Variants in NRXN2 observed in about 807,000 individuals in gnomAD.
NRXN2 encodes neurexin 2, also known as neurexin-2-beta.
NRXN2 carries 29 observed loss-of-function variants against 128.8 expected under a neutral mutation model. The observed-to-expected ratio is 0.23, with a 90% CI of 0.17 to 0.31. NRXN2 has a LOEUF of 0.31. NRXN2 is among the 10% of genes least tolerant of loss of function. The pLI, the probability that NRXN2 is intolerant of heterozygous loss-of-function variation, is 1.00. For synonymous variants in NRXN2, 1,098 were observed against 1,075.2 expected, an observed-to-expected ratio of 1.02 and a Z score of -0.41; for missense variants, 1,881 against 2,452.6, an observed-to-expected ratio of 0.77 and a Z score of 4.92.
At chr11:64,653,491 T>G (rs1180677322) in intron 12 of NRXN2, among the ~76,000 whole-genome samples, 1 of 152,060 alleles carries the variant, frequency 6.6e-6, no homozygotes, top group African/African-American at 2.4e-5. Flanking sequence ...CCAGCTCTCC[T>G]TGGCTCTGCT....
intron 19 of NRXN2, among the ~76,000 whole-genome samples, chr11:64,627,410 C>T (rs551052072): frequency 2.3e-3 from 344 of 151,996 alleles, no homozygotes; most frequent in Non-Finnish European, 4.2e-3. Context: ...CCTCTGCACC[C>T]TCCTCTGCCC....
At chr11:64,672,307 T>C (rs897492067) in intron 7 of NRXN2, among the ~76,000 whole-genome samples, 1 of 152,218 alleles carries the variant, frequency 6.6e-6, no homozygotes, top group Non-Finnish European at 1.5e-5. Flanking sequence ...AACTAAGTCC[T>C]GGCCATAAAT....
chr11:64,632,355 C>T lies in NRXN2; in HGVS notation c.3586-1782G>A, dbSNP rs2044038175. Among the ~76,000 whole-genome samples, 2 of 152,212 alleles carry T rather than the reference C, an allele frequency of 1.3e-5. No individual in the cohort carries two copies. Among genetic ancestry groups the T allele is most frequent in the African/African-American group, 4.8e-5 (2 of 41,442 alleles). On this transcript the variant is annotated intron_variant, in intron 18 of 22. Transcript: ENST00000265459. The surrounding 1 kb of genome is among the most constrained non-coding windows in gnomAD (Gnocchi z 4.2). The stretch of plus-strand genomic sequence containing the variant: ...ATGCAGTAAAGCAGGGAAACTGAGG[C>T]TGGGCTTGCCTAACAAAGAGTATTA...
At chr11:64,706,256 T>C (rs1180871767) in intron 2 of NRXN2, among the ~76,000 whole-genome samples, 9 of 138,334 alleles carry the variant, frequency 6.5e-5, no homozygotes, top group Non-Finnish European at 1.4e-4. Flanking sequence ...TGTGCCATGC[T>C]GGTGTGCTGC....
rs1333517325 is a variant in NRXN2 at position 64,606,815 on chromosome 11, G to T, written c.*381C>A. Reference sequence around the variant, plus strand: ...GCAGGAGGGACAGAAGGAAGAAGAAGAAAAATTGAGGAAAATTAACAGGAC... The same window carrying T: ...GCAGGAGGGACAGAAGGAAGAAGAATAAAAATTGAGGAAAATTAACAGGAC... On this transcript the variant is annotated 3_prime_UTR_variant, in exon 23 of 23. Transcript: ENST00000265459. 1 of 214,576 alleles carries T rather than the reference G, an allele frequency of 4.7e-6. No homozygotes were observed. Among genetic ancestry groups the T allele is most frequent in the Non-Finnish European group, 9.4e-6 (1 of 106,214 alleles). 13.3% of individuals were successfully genotyped at this position (214,576 alleles called of 1,614,324 possible). A position where few individuals can be genotyped will look rare whatever the true frequency, so the allele number is the denominator to read the frequency against.
At position 64,620,235 on chromosome 11, in the gene NRXN2, C is replaced by G. The variant is rs2042113390; in HGVS notation, c.4252+59G>C. On this transcript the variant is annotated intron_variant, in intron 22 of 22. Transcript: ENST00000265459. ...TGGGCCAGGTGGCAGGGACAGTCGC[C>G]CCCCTCCCAGCAGCATCGCAGAGGG... The G allele has an allele frequency of 2.2e-6, 3 of 1,383,758 alleles. No individual in the cohort carries two copies. The African/African-American group carries it at 4.3e-5, about 20-fold the overall frequency. The allele number at this position is 1,383,758 out of a possible 1,614,324, so 85.7% of individuals were successfully genotyped here. A position where few individuals can be genotyped will look rare whatever the true frequency, so the allele number is the denominator to read the frequency against.
intron 2 of NRXN2, among the ~76,000 whole-genome samples, chr11:64,706,761 T>C (rs940029936): frequency 2.0e-5 from 3 of 152,176 alleles, no homozygotes; most frequent in African/African-American, 7.2e-5. Context: ...CAACCAAGTT[T>C]ATTAATCAAT....
intron 5 of NRXN2, among the ~76,000 whole-genome samples, chr11:64,690,057 T>G (rs2053593595): frequency 3.3e-5 from 5 of 152,152 alleles, no homozygotes; most frequent in Admixed American, 1.3e-4. Context: ...CTTCCAGAAT[T>G]TGATGGTTAA....
At chr11:64,610,284 G>C (rs1216938141) in intron 22 of NRXN2, among the ~76,000 whole-genome samples, 2 of 152,156 alleles carry the variant, frequency 1.3e-5, no homozygotes, top group Admixed American at 6.5e-5. Flanking sequence ...TTTGAGCTAC[G>C]AGCAAAGTAG....
intron 5 of NRXN2, chr11:64,688,275 G>A (rs1265112979): frequency 1.0e-6 from 1 of 985,174 alleles, no homozygotes; most frequent in African/African-American, 1.7e-5. Flanking sequence ...CGCCTCCACG[G>A]GCTCCAGTCC....
At chr11:64,715,949 C>T (rs886606460) in intron 1 of NRXN2, among the ~76,000 whole-genome samples, 3 of 152,224 alleles carry the variant, frequency 2.0e-5, no homozygotes, top group Admixed American at 6.5e-5. Context: ...ACAAGCATCC[C>T]CAGCCCAGGG....
intron 17 of NRXN2, among the ~76,000 whole-genome samples, chr11:64,644,718 G>T (rs1159160730): frequency 6.6e-6 from 1 of 151,962 alleles, no homozygotes; most frequent in Non-Finnish European, 1.5e-5. Flanking sequence ...TGGGGGAGCT[G>T]AAGAAACAGT....
At chr11:64,676,200 G>A (rs888069791) in intron 7 of NRXN2, 1 of 152,444 alleles carries the variant, frequency 6.6e-6, no homozygotes, top group African/African-American at 2.4e-5. Flanking sequence ...CGGAGCAGTT[G>A]GGGGAACTGG....
At chr11:64,679,036 C>T (rs1295720427) in intron 6 of NRXN2, among the ~76,000 whole-genome samples, 1 of 152,124 alleles carries the variant, frequency 6.6e-6, no homozygotes, top group Non-Finnish European at 1.5e-5. Flanking sequence ...TGATGGGAGT[C>T]AGGGGATAGC....
At chr11:64,710,914 T>G (rs745699370) in intron 2 of NRXN2, among the ~76,000 whole-genome samples, 2 of 152,160 alleles carry the variant, frequency 1.3e-5, no homozygotes, top group Non-Finnish European at 2.9e-5. Context: ...ACACAGAATT[T>G]CACAGTTTAG....
chr11:64,649,048 A>G (rs963766170), intron 15 of NRXN2, 141 bp from the exon 16 acceptor site: 9 of 846,446 alleles, frequency 1.1e-5, no homozygotes, highest in Non-Finnish European at 1.6e-5. Flanking sequence ...AGAGATCCAG[A>G]GACCTGCACA....
intron 1 of NRXN2, among the ~76,000 whole-genome samples, chr11:64,717,994 G>T (rs1020684026): frequency 6.6e-6 from 1 of 152,156 alleles, no homozygotes; most frequent in Admixed American, 6.5e-5. Context: ...GAGCTCATGG[G>T]GTTCATCTTC....
At chr11:64,701,605 G>GGCTC (rs1312701919) in intron 2 of NRXN2, among the ~76,000 whole-genome samples, 1 of 152,172 alleles carries the variant, frequency 6.6e-6, no homozygotes, top group African/African-American at 2.4e-5. Context: ...CAGATGTAAT[G>GGCTC]GCTCGTGTCA....
chr11:64,722,483 C>G (rs1044805806), intron 1 of NRXN2, among the ~76,000 whole-genome samples: 1 of 151,934 alleles, frequency 6.6e-6, no homozygotes, highest in Admixed American at 6.6e-5. Flanking sequence ...CCCCTCAGGA[C>G]GAAGCCCTTG....
Sources: allele counts gnomAD v4.1 joint callset (sites outside exome capture counted in the v4.1 genomes callset), GRCh38; gene constraint gnomAD v4.1.1; non-coding constraint Gnocchi (gnomAD v3.1); transcripts MANE v1.5; gene names NCBI Gene and HGNC (gene_info 2026-07-23, HGNC 2026-07-21).